NPHP4: variants seen among roughly 807,000 people sequenced by gnomAD.
NPHP4 encodes nephrocystin 4.
NPHP4 carries 151 observed loss-of-function variants against 155.8 expected under a neutral mutation model. The observed-to-expected ratio is 0.97, with a 90% CI of 0.85 to 1.11. The LOEUF (loss-of-function observed/expected upper bound fraction) is 1.11, where lower values mean the gene tolerates loss of function less well. Among genes scored for constraint, NPHP4 ranks in the 50% least tolerant of loss-of-function variants. The probability of loss-of-function intolerance (pLI) is 0.00; values close to 1 mark genes in which losing one functional copy is unlikely to be tolerated. For missense variants in NPHP4, 1,956 were observed against 1,925.7 expected (o/e 1.02, Z -0.29); for synonymous variants, 845 against 816.8 (o/e 1.03, Z -0.59).
At chr1:5,936,522 GA>G (rs1646548469) in intron 9 of NPHP4, among the ~76,000 whole-genome samples, 1 of 150,120 alleles carries the variant, frequency 6.7e-6, no homozygotes, top group South Asian at 2.1e-4. Flanking sequence ...AAACTGAAAA[GA>G]AAAAAAAAGC....
intron 3 of NPHP4, among the ~76,000 whole-genome samples, chr1:5,977,052 C>G (rs1653730335): frequency 1.3e-5 from 2 of 152,170 alleles, no homozygotes; most frequent in South Asian, 4.1e-4. Flanking sequence ...CTGAGACCCT[C>G]TCATCACCTC....
intron 11 of NPHP4, among the ~76,000 whole-genome samples, chr1:5,926,654 G>C (rs1646020542): frequency 6.6e-6 from 1 of 152,102 alleles, no homozygotes; most frequent in African/African-American, 2.4e-5. Context: ...AATTCAACAA[G>C]ACCAGTTCCC....
chr1:5,869,858 G>C (rs1641817810), intron 23 of NPHP4, among the ~76,000 whole-genome samples: 1 of 152,026 alleles, frequency 6.6e-6, no homozygotes, highest in Admixed American at 6.6e-5. Flanking sequence ...TTACAAACAT[G>C]GAAAAAAACA....
Position 5,941,289 on chromosome 1 carries a change from CAAAAAAAAAAAAAA to C in NPHP4, c.1119+5801_1119+5814del, listed in dbSNP as rs66676950. 4.2e-4 allele frequency among the ~76,000 whole-genome samples: 19 copies of C among 44,764 alleles called. 1 individual carries two copies. In the East Asian group the frequency reaches 5.0e-3, roughly 12 times the overall value. The allele number at this position is 44,764 out of a possible 152,430, so 29.4% of individuals were successfully genotyped here. On this transcript the variant is annotated intron_variant, in intron 9 of 29. Transcript: ENST00000378156. ...TCACACCACAAACAAGAGATCTAGA[CAAAAAAAAAAAAAA>C]AAAAAAAAAAAGGGCAGGAGAAACA...
rs116830098 is a variant in NPHP4, at chr1:5,909,079, G to A, written c.1503+73C>T. On this transcript the variant is annotated intron_variant, in intron 12 of 29. Coordinates refer to ENST00000378156, the MANE Select transcript of NPHP4 (RefSeq NM_015102.5). ...CACGCAGGGATCCACTGTGCTTAAG[G>A]GGGGACAGAGGGTTTTCTTGCAAGT... 23,393 of 1,252,842 alleles carry A rather than the reference G, an allele frequency of 0.019. 322 individuals carry two copies. The highest frequency in any genetic ancestry group is 0.021 in the Non-Finnish European group (17,979 of 873,920). 77.6% of individuals were successfully genotyped at this position (1,252,842 alleles called of 1,614,324 possible).
At chr1:5,869,883 A>T (rs896632849) in intron 23 of NPHP4, among the ~76,000 whole-genome samples, 2 of 152,246 alleles carry the variant, frequency 1.3e-5, no homozygotes, top group Non-Finnish European at 2.9e-5. Context: ...GAAACCCGTG[A>T]TGTTAAATTG....
chr1:5,933,927 T>C (rs535871232), intron 9 of NPHP4, among the ~76,000 whole-genome samples: 5 of 152,298 alleles, frequency 3.3e-5, no homozygotes, highest in African/African-American at 1.2e-4. Context: ...TCTTTCTGCT[T>C]CTCTCTGGCT....
intron 16 of NPHP4, among the ~76,000 whole-genome samples, chr1:5,902,295 C>G (rs1644720247): frequency 6.6e-6 from 1 of 152,200 alleles, no homozygotes; most frequent in African/African-American, 2.4e-5. Flanking sequence ...AGGGCTCACC[C>G]CAGGTGCAAA....
intron 6 of NPHP4, among the ~76,000 whole-genome samples, chr1:5,956,717 C>T (rs1014648862): frequency 1.3e-5 from 2 of 152,186 alleles, no homozygotes; most frequent in Non-Finnish European, 2.9e-5. Context: ...ACAGATCAGA[C>T]CTCCCAGGAC....
At chr1:5,920,353 G>T (rs1004306622) in intron 11 of NPHP4, among the ~76,000 whole-genome samples, 4 of 152,168 alleles carry the variant, frequency 2.6e-5, no homozygotes, top group African/African-American at 9.7e-5. Flanking sequence ...GAGCCACTGC[G>T]CCCAGCCGGG....
At chr1:5,872,912 T>A (rs962097888) in intron 23 of NPHP4, among the ~76,000 whole-genome samples, 1 of 151,932 alleles carries the variant, frequency 6.6e-6, no homozygotes, top group Non-Finnish European at 1.5e-5. Flanking sequence ...CACCACACAC[T>A]CACACACCAG....
At chr1:5,986,570 G>A (rs1655520328) in intron 1 of NPHP4, among the ~76,000 whole-genome samples, 1 of 152,158 alleles carries the variant, frequency 6.6e-6, no homozygotes, top group Non-Finnish European at 1.5e-5. Context: ...TATTTGCTTA[G>A]AATTTATGAA....
chr1:5,955,937 G>A (rs573359673), intron 6 of NPHP4, among the ~76,000 whole-genome samples: 24 of 152,010 alleles, frequency 1.6e-4, no homozygotes, highest in African/African-American at 4.3e-4. Context: ...TTACAGTCAC[G>A]CTAGTACTCT....
intron 23 of NPHP4, among the ~76,000 whole-genome samples, chr1:5,868,775 G>A (rs921423162): frequency 2.9e-4 from 34 of 116,402 alleles, no homozygotes; most frequent in African/African-American, 1.2e-3. Context: ...GCACCCACAT[G>A]CACACACGCA....
chr1:5,951,567 C>G (rs1221108037), intron 7 of NPHP4, among the ~76,000 whole-genome samples: 4 of 152,174 alleles, frequency 2.6e-5, no homozygotes, highest in Non-Finnish European at 5.9e-5. Flanking sequence ...GGGCTGAGCC[C>G]AGGGCTCCAG....
chr1:5,968,593 C>A (rs945963216), intron 4 of NPHP4, among the ~76,000 whole-genome samples: 10 of 150,800 alleles, frequency 6.6e-5, no homozygotes, highest in African/African-American at 2.2e-4. Flanking sequence ...AGAGCAAGAC[C>A]CTGTCTCGAA....
intron 22 of NPHP4, 195 bp from the exon 23 acceptor site, chr1:5,873,530 C>G: frequency 1.6e-6 from 1 of 612,042 alleles, no homozygotes; most frequent in East Asian, 2.8e-5. Context: ...AAGGGAACAG[C>G]AGATCCCAGG....
intron 5 of NPHP4, among the ~76,000 whole-genome samples, chr1:5,966,818 C>A (rs1246512474): frequency 6.6e-6 from 1 of 152,178 alleles, no homozygotes; most frequent in Non-Finnish European, 1.5e-5. Context: ...GACCGTCATC[C>A]CCATCCTTCC....
chr1:5,928,406 T>C (rs1646120863), intron 10 of NPHP4, among the ~76,000 whole-genome samples: 1 of 152,284 alleles, frequency 6.6e-6, no homozygotes, highest in African/African-American at 2.4e-5. Context: ...TTTCTTTTTT[T>C]ATTACTGAGT....
Sources: gnomAD v4.1 joint callset for allele counts (sites outside exome capture counted in the v4.1 genomes callset) on GRCh38, gnomAD v4.1.1 for gene constraint, MANE v1.5 for transcripts, NCBI Gene and HGNC (gene_info 2026-07-23, HGNC 2026-07-21) for gene names.